Variants in PPM1H observed in about 807,000 individuals in gnomAD.
PPM1H encodes protein phosphatase, Mg2+/Mn2+ dependent 1H.
In PPM1H, 27 loss-of-function variants were observed where a neutral mutation model predicts 54.9. The ratio of observed to expected loss-of-function variants is 0.49; its 90% CI spans 0.36 to 0.68. The LOEUF is 0.68. Ranked by LOEUF, PPM1H falls within the 30% of genes least tolerant of loss-of-function variation. The pLI, the probability that PPM1H is intolerant of heterozygous loss-of-function variation, is 0.00. For synonymous variants in PPM1H, 305 were observed against 270.8 expected (o/e 1.13, Z -1.24); for missense variants, 596 against 667.8 (o/e 0.89, Z 1.19).
At chr12:62,830,160 AT>A (rs1334016747) in intron 2 of PPM1H, among the ~76,000 whole-genome samples, 1 of 152,076 alleles carries the variant, frequency 6.6e-6, no homozygotes, top group Non-Finnish European at 1.5e-5. Context: ...CATGCTCAAC[AT>A]TTTCCACGGA....
chr12:62,871,285 C>CAA (rs11415088), intron 1 of PPM1H, among the ~76,000 whole-genome samples: 18 of 151,372 alleles, frequency 1.2e-4, no homozygotes, highest in South Asian at 2.1e-4. Context: ...AGAAGCTAGA[C>CAA]AAAAAAAACG....
At chr12:62,740,990 G>T (rs569642133) in intron 4 of PPM1H, among the ~76,000 whole-genome samples, 10 of 152,264 alleles carry the variant, frequency 6.6e-5, no homozygotes, top group African/African-American at 2.4e-4. Context: ...GTTGTGCTCG[G>T]CCTGGAACAG....
chr12:62,863,849 T>A (rs1309539339), intron 1 of PPM1H, among the ~76,000 whole-genome samples: 7 of 152,234 alleles, frequency 4.6e-5, no homozygotes, highest in African/African-American at 1.7e-4. Context: ...GTCAGCAGAA[T>A]TCAGGTATCC....
At chr12:62,683,060 ATTATTAT>A (rs1202096265) in intron 8 of PPM1H, among the ~76,000 whole-genome samples, 4 of 146,056 alleles carry the variant, frequency 2.7e-5, no homozygotes. Context: ...TATTATTATT[ATTATTAT>A]TATTATTATT....
At chr12:62,692,965 T>A (rs372547736) in intron 7 of PPM1H, among the ~76,000 whole-genome samples, 6 of 74,138 alleles carry the variant, frequency 8.1e-5, no homozygotes, top group African/African-American at 3.2e-4. Flanking sequence ...ACACACACAC[T>A]CTGCCCATGG....
chr12:62,815,567 T>C (rs2120791659), intron 2 of PPM1H, among the ~76,000 whole-genome samples: 1 of 152,374 alleles, frequency 6.6e-6, no homozygotes, highest in South Asian at 2.1e-4. Flanking sequence ...ACATAAGTAC[T>C]GTGAAATAAT....
chr12:62,907,587 A>G (rs1009837293), intron 1 of PPM1H, among the ~76,000 whole-genome samples: 1 of 152,226 alleles, frequency 6.6e-6, no homozygotes, highest in Non-Finnish European at 1.5e-5. Context: ...AAAAAGCAAC[A>G]TAAAAATGTT....
At chr12:62,739,345 A>G (rs1020777088) in intron 4 of PPM1H, among the ~76,000 whole-genome samples, 12 of 148,784 alleles carry the variant, frequency 8.1e-5, no homozygotes, top group African/African-American at 1.5e-4. Context: ...GAGTATGACT[A>G]TAACAAGGGA....
chr12:62,756,591 A>G (rs2076477609), intron 4 of PPM1H, among the ~76,000 whole-genome samples: 2 of 152,194 alleles, frequency 1.3e-5, no homozygotes, highest in Admixed American at 1.3e-4. Context: ...TCATCTACAA[A>G]GAGGTGGTCC....
intron 1 of PPM1H, among the ~76,000 whole-genome samples, chr12:62,886,861 C>T (rs780631045): frequency 1.2e-4 from 18 of 152,268 alleles, no homozygotes; most frequent in Middle Eastern, 3.4e-3. Context: ...TTTGCCACTG[C>T]GGTTTTAACT....
intron 1 of PPM1H, among the ~76,000 whole-genome samples, chr12:62,883,960 C>T (rs543875481): frequency 6.2e-4 from 93 of 150,358 alleles, no homozygotes; most frequent in Non-Finnish European, 1.2e-3. Flanking sequence ...TTCGCATGCA[C>T]GTGACAAGTC....
At chr12:62,716,287 T>G (rs1293508078) in intron 6 of PPM1H, among the ~76,000 whole-genome samples, 1 of 152,222 alleles carries the variant, frequency 6.6e-6, no homozygotes, top group Non-Finnish European at 1.5e-5. Flanking sequence ...TTACGAGTTA[T>G]GTAACCTTGA....
At chr12:62,689,088 G>C (rs1239458390) in intron 8 of PPM1H, among the ~76,000 whole-genome samples, 1 of 152,238 alleles carries the variant, frequency 6.6e-6, no homozygotes, top group Admixed American at 6.5e-5. Flanking sequence ...CAAGTAGGGA[G>C]AGACATTACT....
intron 4 of PPM1H, among the ~76,000 whole-genome samples, chr12:62,782,219 T>C (rs1435320665): frequency 6.6e-6 from 1 of 152,214 alleles, no homozygotes; most frequent in Admixed American, 6.5e-5. Flanking sequence ...TACTGGCCGT[T>C]GGTGAAATCC....
rs141001154 is a variant in PPM1H, at chr12:62,808,508, C to CT, written c.412-6349dup. On this transcript the variant is annotated intron_variant, in intron 2 of 9. Transcript: ENST00000228705. ...CATTTGGTCATTTTCTTTTATGAGT[C>CT]TAACAGCCTGCTCTGTGGGCTGGCT... Among the ~76,000 whole-genome samples the CT allele has an allele frequency of 4.7e-3, 723 of 152,250 alleles. 8 individuals are homozygous for CT. Among genetic ancestry groups the CT allele is most frequent in the African/African-American group, 0.017 (703 of 41,542 alleles).
At chr12:62,841,441 C>T (rs1169670031) in intron 1 of PPM1H, among the ~76,000 whole-genome samples, 2 of 152,168 alleles carry the variant, frequency 1.3e-5, no homozygotes, top group Non-Finnish European at 2.9e-5. Flanking sequence ...TACATATTGT[C>T]TCTTGTGGTT....
chr12:62,702,289 A>T (rs1444457896), intron 6 of PPM1H, among the ~76,000 whole-genome samples: 1 of 152,238 alleles, frequency 6.6e-6, no homozygotes. Flanking sequence ...GTACCACGTC[A>T]GAATGGCAGT....
At chr12:62,711,936 G>A (rs7308249) in intron 6 of PPM1H, among the ~76,000 whole-genome samples, 18,059 of 152,198 alleles carry the variant, frequency 0.12, 1,478 homozygotes, top group East Asian at 0.31. Flanking sequence ...TCCTGCGCAG[G>A]AGGGCAGGGA....
intron 5 of PPM1H, among the ~76,000 whole-genome samples, chr12:62,732,995 A>G (rs1322970584): frequency 6.6e-6 from 1 of 152,192 alleles, no homozygotes; most frequent in Non-Finnish European, 1.5e-5. Flanking sequence ...AAAATAATGA[A>G]TCAGTAGGAT....
Sources: gnomAD v4.1 joint callset for allele counts (sites outside exome capture counted in the v4.1 genomes callset) on GRCh38, gnomAD v4.1.1 for gene constraint, MANE v1.5 for transcripts, NCBI Gene and HGNC (gene_info 2026-07-23, HGNC 2026-07-21) for gene names.